LRRC8A: variants seen among roughly 807,000 people sequenced by gnomAD.
LRRC8A encodes leucine rich repeat containing 8 VRAC subunit A, also known as volume-regulated anion channel subunit LRRC8A.
LRRC8A carries 24 observed loss-of-function variants against 52.5 expected under a neutral mutation model. The ratio of observed to expected loss-of-function variants is 0.46; its 90% confidence interval spans 0.33 to 0.64. LRRC8A has a LOEUF of 0.64. Ranked by LOEUF, LRRC8A falls within the 30% of genes least tolerant of loss-of-function variation. LRRC8A has a pLI of 0.02. For missense variants in LRRC8A, 677 were observed against 1,094.7 expected, an observed-to-expected ratio of 0.62 and a Z score of 5.38; for synonymous variants, 492 against 494.2, an observed-to-expected ratio of 1.00 and a Z score of 0.06.
At position 128,902,596 on chromosome 9, in the gene LRRC8A, G is replaced by T. The variant is rs913238733; in HGVS notation, c.-8-4561G>T. Among the ~76,000 whole-genome samples the T allele has an allele frequency of 3.3e-5, 5 of 152,148 alleles. No individual in the cohort carries two copies. Among genetic ancestry groups the T allele is most frequent in the African/African-American group, 1.2e-4 (5 of 41,424 alleles). ...CTGGCTGTCTCATTCCAGACTTGGG[G>T]GCAGGCAGGCTGCTGCATGCACCGG... On this transcript the variant is annotated intron_variant, in intron 2 of 3. Transcript: ENST00000372600. This position sits in a 1 kb window ranked among gnomAD's most constrained non-coding sequence, Gnocchi z 4.1.
intron 2 of LRRC8A, among the ~76,000 whole-genome samples, chr9:128,887,367 T>C (rs1352598681): frequency 6.6e-6 from 1 of 152,080 alleles, no homozygotes; most frequent in Non-Finnish European, 1.5e-5. Context: ...CCTCTCTACA[T>C]TGCCCAGGCT....
intron 2 of LRRC8A, among the ~76,000 whole-genome samples, chr9:128,888,694 G>A (rs913957845): frequency 4.6e-5 from 7 of 152,088 alleles, no homozygotes; most frequent in Non-Finnish European, 8.8e-5. Flanking sequence ...CTGCGAGAGC[G>A]TCTGGCAGGA....
chr9:128,908,048 G>A lies in LRRC8A; in HGVS notation c.884G>A (p.Cys295Tyr). The A allele has an allele frequency of 6.2e-7, 1 of 1,614,088 alleles. No individual in the cohort carries two copies. The highest frequency in any genetic ancestry group is 8.5e-7 in the Non-Finnish European group (1 of 1,180,026). The change falls in exon 3 of 4, where the codon TGC becomes TAC. Residue 295 changes from cysteine (C) to tyrosine (Y), a missense_variant. By Grantham distance (194) the Cys-to-Tyr change is radical. Around this residue, in one of 4 missense-constraint regions of LRRC8A, gnomAD observed 422 missense variants for 741.5 expected, o/e 0.57. Transcript: ENST00000372600. ...YVHNIKFDVD[C>Y]TVDIESLTGY... ...CACAACATCAAGTTCGACGTGGACT[G>A]CACCGTGGACATTGAGAGCCTGACG...
Position 128,882,805 on chromosome 9 carries a change from C to T in LRRC8A, c.-116+555C>T, listed in dbSNP as rs192459130. ...TTCTGGGATGGGATATTTGGGAAGA[C>T]CGGTCCGGAATCTAAGAACCCAGAC... On this transcript the variant is annotated intron_variant, in intron 1 of 3. Coordinates refer to ENST00000372600, the MANE Select transcript of LRRC8A (RefSeq NM_019594.4). The T allele has an allele frequency of 9.3e-5, 37 of 398,760 alleles. No homozygotes were observed. In the East Asian group the frequency reaches 1.3e-3, roughly 14 times the overall value. The allele number at this position is 398,760 out of a possible 1,614,324, so 24.7% of individuals were successfully genotyped here. A position where few individuals can be genotyped will look rare whatever the true frequency, so the allele number is the denominator to read the frequency against.
At chr9:128,906,823 C>T (rs926748693) in intron 2 of LRRC8A, among the ~76,000 whole-genome samples, 2 of 152,150 alleles carry the variant, frequency 1.3e-5, no homozygotes, top group South Asian at 2.1e-4. Context: ...AAGGAGTTCC[C>T]GATTGCTCTT....
At chr9:128,901,152 G>A (rs1420046477) in intron 2 of LRRC8A, among the ~76,000 whole-genome samples, 3 of 149,330 alleles carry the variant, frequency 2.0e-5, no homozygotes, top group South Asian at 2.1e-4. Flanking sequence ...CGGCCTGGGC[G>A]ATAGAGCAAG....
intron 2 of LRRC8A, among the ~76,000 whole-genome samples, chr9:128,895,239 C>T (rs1839778451): frequency 6.6e-6 from 1 of 152,134 alleles, no homozygotes; most frequent in African/African-American, 2.4e-5. Flanking sequence ...GTTGTAGAAG[C>T]TCGGGAGGCT....
intron 1 of LRRC8A, among the ~76,000 whole-genome samples, chr9:128,883,757 G>A (rs56372316): frequency 0.048 from 7,317 of 152,200 alleles, 202 homozygotes; most frequent in African/African-American, 0.077. Context: ...GGCAGATCAC[G>A]AGGTCAGGAG....
At position 128,907,786 on chromosome 9, in the gene LRRC8A, A is replaced by G. The variant is rs760393169; in HGVS notation, c.622A>G (p.Thr208Ala). 1 of 1,613,998 alleles carries G rather than the reference A, an allele frequency of 6.2e-7. No homozygotes were observed. Among genetic ancestry groups the G allele is most frequent in the South Asian group, 1.1e-5 (1 of 91,072 alleles). Residue 208 changes from threonine (T) to alanine (A), a missense_variant, in exon 3 of 4, where the codon ACC (threonine) becomes GCC (alanine). Transcript: ENST00000372600. The surrounding 1 kb of genome is among the most constrained non-coding windows in gnomAD (Gnocchi z 9.3). ...GACCGTCAGTGAGGACGTGGAGGCC[A>G]CCGTGCCCATGCTGCAGCGGACCAA... Reference protein sequence around the residue: ...SSTVSEDVEATVPMLQRTKSR... With the variant: ...SSTVSEDVEAAVPMLQRTKSR...
chr9:128,882,836 C>T (rs1160565532), intron 1 of LRRC8A: 7 of 398,654 alleles, frequency 1.8e-5, no homozygotes, highest in Non-Finnish European at 3.1e-5. Context: ...CAGACCCTGT[C>T]CCAGTCCTGT....
chr9:128,908,182 C>T lies in LRRC8A; in HGVS notation c.1018C>T (p.Leu340=), dbSNP rs747736288. The T allele has an allele frequency of 1.9e-6, 3 of 1,614,098 alleles. No individual in the cohort carries two copies. The highest frequency in any genetic ancestry group is 2.5e-6 in the Non-Finnish European group (3 of 1,180,042). The change falls in exon 3 of 4, where the codon CTG becomes TTG. Residue 340 remains leucine (L), a synonymous_variant. Transcript: ENST00000372600. ...IFYGLICMYT[L]WWMLRRSLKK... ...CTACGGCCTCATCTGCATGTATACA[C>T]TGTGGTGGATGCTACGGCGCTCCCT...
chr9:128,885,023 C>G (rs1839335102), intron 1 of LRRC8A: 1 of 152,608 alleles, frequency 6.6e-6, no homozygotes, highest in Non-Finnish European at 1.5e-5. Flanking sequence ...TCTACCCCCG[C>G]CCTCCTCCTT....
rs769948961 is a variant in LRRC8A at position 128,916,105 on chromosome 9, C to G, written c.2167C>G (p.Leu723Val). The change falls in exon 4 of 4, where the codon CTC (leucine) becomes GTC (valine). Residue 723 changes from leucine to valine, a missense_variant. Leu to Val is a conservative substitution (Grantham distance 32). Transcript: ENST00000372600. The surrounding 1 kb of genome is among the most constrained non-coding windows in gnomAD (Gnocchi z 6.1). ...GCTTTTTTCCCTCCAGATCGAGACGCTCCCTCCGGAGCTCTTCCAGTGCCG... is the reference window on the plus strand; with the variant it reads ...GCTTTTTTCCCTCCAGATCGAGACGGTCCCTCCGGAGCTCTTCCAGTGCCG... ...LAITANRIET[L>V]PPELFQCRKL... The G allele has an allele frequency of 1.6e-5, 26 of 1,605,126 alleles. No individual in the cohort carries two copies. The highest frequency in any genetic ancestry group is 2.2e-5 in the Non-Finnish European group (26 of 1,173,156).
chr9:128,882,610 G>GTTC (rs1839119951), intron 1 of LRRC8A: 1 of 398,612 alleles, frequency 2.5e-6, no homozygotes, highest in Admixed American at 4.4e-5. Context: ...GTTCCTAGAG[G>GTTC]TTCCACCTCT....
Position 128,899,180 on chromosome 9 carries a change from A to G in LRRC8A, c.-8-7977A>G, listed in dbSNP as rs919169091. Among the ~76,000 whole-genome samples the G allele has an allele frequency of 1.3e-5, 2 of 152,194 alleles. No homozygotes were observed. Among genetic ancestry groups the G allele is most frequent in the East Asian group, 1.9e-4 (1 of 5,192 alleles). The stretch of plus-strand genomic sequence containing the variant: ...TTTAACAGGTTTGCTGCTCCTTTCT[A>G]TACAGGGAAACTGAGGCCCTGGGAG... On this transcript the variant is annotated intron_variant, in intron 2 of 3. Coordinates refer to ENST00000372600, the MANE Select transcript of LRRC8A (RefSeq NM_019594.4). The surrounding 1 kb of genome is among the most constrained non-coding windows in gnomAD (Gnocchi z 4.0).
rs1412634052 is a variant in LRRC8A at position 128,902,076 on chromosome 9, T to C, written c.-8-5081T>C. On this transcript the variant is annotated intron_variant, in intron 2 of 3. Coordinates refer to ENST00000372600, the MANE Select transcript of LRRC8A (RefSeq NM_019594.4). This position sits in a 1 kb window ranked among gnomAD's most constrained non-coding sequence, Gnocchi z 4.1. ...GGGCCAGGCCTGTGAGAGACTCCAG[T>C]CCAGGCCCTTCTCAGCTCTGCAGCC... 6.6e-6 allele frequency among the ~76,000 whole-genome samples: 1 copy of C among 152,180 alleles called. No individual in the cohort carries two copies. The highest frequency in any genetic ancestry group is 1.9e-4 in the East Asian group (1 of 5,188).
At chr9:128,890,290 C>T (rs1458298264) in intron 2 of LRRC8A, among the ~76,000 whole-genome samples, 1 of 152,070 alleles carries the variant, frequency 6.6e-6, no homozygotes, top group Non-Finnish European at 1.5e-5. Context: ...GTTTCTGTTG[C>T]GTCTTGCGTC....
chr9:128,883,649 C>T (rs1208837669), intron 1 of LRRC8A, among the ~76,000 whole-genome samples: 1 of 152,166 alleles, frequency 6.6e-6, no homozygotes, highest in Non-Finnish European at 1.5e-5. Context: ...GGTCTGATGC[C>T]CTCTGCGTTC....
intron 1 of LRRC8A, chr9:128,882,558 C>T: frequency 2.5e-6 from 1 of 397,228 alleles, no homozygotes; most frequent in Non-Finnish European, 4.4e-6. Flanking sequence ...TTGTCATCCC[C>T]TGGGTCCCCC....
Sources: allele counts gnomAD v4.1 joint callset (sites outside exome capture counted in the v4.1 genomes callset), GRCh38; gene constraint gnomAD v4.1.1; regional missense constraint gnomAD v4.1.1; non-coding constraint Gnocchi (gnomAD v3.1); transcripts MANE v1.5; gene names NCBI Gene and HGNC (gene_info 2026-07-23, HGNC 2026-07-21).